HPS5: variants seen among roughly 807,000 people sequenced by gnomAD.
HPS5 encodes BLOC-2 complex member HPS5.
A neutral mutation model predicts 128.0 loss-of-function variants in HPS5; 83 were observed. That is an observed-to-expected ratio of 0.65 (90% CI 0.54 to 0.78). The LOEUF (loss-of-function observed/expected upper bound fraction) is 0.78. Ranked by LOEUF, HPS5 falls within the 30% of genes least tolerant of loss-of-function variation. The pLI, the probability that HPS5 is intolerant of heterozygous loss-of-function variation, is 0.00. For synonymous variants in HPS5, 475 were observed against 470.2 expected (o/e 1.01, Z -0.13); for missense variants, 1,281 against 1,326.2 (o/e 0.97, Z 0.53).
intron 18 of HPS5, 199 bp from the exon 19 acceptor site, chr11:18,286,909 A>AT: frequency 2.8e-5 from 17 of 616,470 alleles, no homozygotes; most frequent in East Asian, 5.8e-5. Flanking sequence ...GGGCCAAAAA[A>AT]GAAAAAAAAA....
rs756628694 is a variant in HPS5, at chr11:18,286,586, T to C, written c.2837+5A>G. ...AAAAACAAAGAAAGAGGACTTCTTC[T>C]GTACCTGGGATAACCTTCATCATCC... On this transcript the variant is annotated splice_donor_5th_base_variant and intron_variant, in intron 19 of 22. Transcript: ENST00000349215. 1 of 1,613,654 alleles carries C rather than the reference T, an allele frequency of 6.2e-7. No homozygotes were observed. Among genetic ancestry groups the C allele is most frequent in the East Asian group, 2.2e-5 (1 of 44,880 alleles).
Position 18,311,975 on chromosome 11 carries a change from C to G in HPS5, c.158G>C (p.Gly53Ala), listed in dbSNP as rs1863075780. ...SRKWLALGSS[G>A]GGLHLIQKEG... ...TTTCTGAATGAGATGGAGTCCTCCT[C>G]CTGAACTGCCCAAAGCCAACCATTT... The change falls in exon 3 of 23, where the codon GGA (glycine) becomes GCA (alanine). Residue 53 changes from glycine (G) to alanine (A), a missense_variant. Physicochemically the swap from Gly to Ala is moderately conservative, Grantham distance 60 (BLOSUM62 0). Transcript: ENST00000349215. The G allele has an allele frequency of 6.2e-7, 1 of 1,614,034 alleles. No individual in the cohort carries two copies. Among genetic ancestry groups the G allele is most frequent in the South Asian group, 1.1e-5 (1 of 91,090 alleles).
chr11:18,290,423 G>T (rs1860254680), intron 16 of HPS5, among the ~76,000 whole-genome samples: 1 of 152,186 alleles, frequency 6.6e-6, no homozygotes, highest in Admixed American at 6.5e-5. Flanking sequence ...AAACATTATT[G>T]TAAGGATGAA....
At position 18,291,649 on chromosome 11, in the gene HPS5, A is replaced by C; in HGVS notation, c.2233T>G (p.Leu745Val). 4 of 1,614,226 alleles carry C rather than the reference A, an allele frequency of 2.5e-6. No homozygotes were observed. The highest frequency in any genetic ancestry group is 3.4e-6 in the Non-Finnish European group (4 of 1,180,030). ...TTAGAATTCAATACATTCAACTCCA[A>C]ACATAATGTTGTCAATTCAGCCAGG... Reference protein sequence around the residue: ...NDLAELTTLCLELNVLNSKIK... With the variant: ...NDLAELTTLCVELNVLNSKIK... Residue 745 changes from leucine to valine, a missense_variant, in exon 16 of 23, where the codon TTG (leucine) becomes GTG (valine). By Grantham distance (32) the Leu-to-Val change is conservative. Coordinates refer to ENST00000349215, the MANE Select transcript of HPS5 (RefSeq NM_181507.2).
rs1409479051 is a variant in HPS5, at chr11:18,282,106, G to A, written c.3173C>T (p.Ser1058Phe). 4 of 1,614,162 alleles carry A rather than the reference G, an allele frequency of 2.5e-6. No homozygotes were observed. Among genetic ancestry groups the A allele is most frequent in the Non-Finnish European group, 2.5e-6 (3 of 1,180,020 alleles). The change falls in exon 22 of 23, where the codon TCC becomes TTC. Residue 1058 changes from serine (S) to phenylalanine (F), a missense_variant. Physicochemically the swap from Ser to Phe is radical, Grantham distance 155. Coordinates refer to ENST00000349215, the MANE Select transcript of HPS5 (RefSeq NM_181507.2). ...SLNGSLSDGP[S>F]PINVENVALL... Reference sequence around the variant, plus strand: ...TGCCACATTCTCCACATTGATGGGGGAAGGCCCATCACTGAGGCTCCCATT... The same window carrying A: ...TGCCACATTCTCCACATTGATGGGGAAAGGCCCATCACTGAGGCTCCCATT...
intron 20 of HPS5, among the ~76,000 whole-genome samples, chr11:18,284,173 A>C (rs943995798): frequency 4.6e-5 from 7 of 152,178 alleles, no homozygotes; most frequent in East Asian, 1.9e-4. Flanking sequence ...TAGGGAAAAA[A>C]AAAAAACAAA....
At chr11:18,292,590 T>G (rs888112067) in intron 15 of HPS5, among the ~76,000 whole-genome samples, 11 of 152,302 alleles carry the variant, frequency 7.2e-5, no homozygotes, top group African/African-American at 2.6e-4. Flanking sequence ...CATTCTGGGC[T>G]TGTGTGAAGG....
At chr11:18,312,440 C>T (rs1022617405) in intron 2 of HPS5, among the ~76,000 whole-genome samples, 4 of 152,204 alleles carry the variant, frequency 2.6e-5, no homozygotes, top group Admixed American at 6.5e-5. Context: ...ACAAACACCA[C>T]AAAACATCCA....
chr11:18,302,468 G>A (rs1861810569), intron 8 of HPS5, among the ~76,000 whole-genome samples: 1 of 151,992 alleles, frequency 6.6e-6, no homozygotes, highest in African/African-American at 2.4e-5. Flanking sequence ...CTGCTCATAT[G>A]GCACTTAATC....
chr11:18,321,798 A>C (rs1384374880), intron 1 of HPS5, 148 bp downstream of exon 1: 1 of 152,170 alleles, frequency 6.6e-6, no homozygotes. Flanking sequence ...GCCTCAGACA[A>C]ATGGCGACTG....
chr11:18,298,623 T>C (rs1265017092), intron 10 of HPS5, among the ~76,000 whole-genome samples, 169 bp downstream of exon 10: 2 of 152,224 alleles, frequency 1.3e-5, no homozygotes, highest in African/African-American at 4.8e-5. Flanking sequence ...TTTCTTACCC[T>C]CTATCCACCC....
intron 9 of HPS5, among the ~76,000 whole-genome samples, chr11:18,299,312 A>G (rs1861439956): frequency 6.6e-6 from 1 of 152,252 alleles, no homozygotes; most frequent in African/African-American, 2.4e-5. Context: ...CCTGGTCCTC[A>G]ATGAATGGAT....
At chr11:18,291,399 T>A (rs1860387448) in intron 16 of HPS5, 43 bp downstream of exon 16, 2 of 1,308,376 alleles carry the variant, frequency 1.5e-6, no homozygotes, top group South Asian at 1.3e-5. Flanking sequence ...CTAATGTTTT[T>A]TAATACGAAT....
At chr11:18,297,769 C>A in intron 10 of HPS5, 52 bp from the exon 11 acceptor site, 1 of 1,542,042 alleles carries the variant, frequency 6.5e-7, no homozygotes. Context: ...AATCTATATT[C>A]AAATGGCCAA....
At chr11:18,282,278 G>A in intron 21 of HPS5, 58 bp from the exon 22 acceptor site, 1 of 1,590,892 alleles carries the variant, frequency 6.3e-7, no homozygotes, top group Non-Finnish European at 8.6e-7. Context: ...ACTGGATACA[G>A]GAGATGGTCA....
chr11:18,317,769 C>T lies in HPS5; in HGVS notation c.90G>A (p.Leu30=). The part of the protein sequence containing the change: ...SLDPLLSALR[L]DSSRLKCTSI... Reference sequence around the variant, plus strand: ...AATTCACCTTTAGACGACTGGAGTCCAGCCGCAGGGCTGAGAGTAATGGAT... The same window carrying T: ...AATTCACCTTTAGACGACTGGAGTCTAGCCGCAGGGCTGAGAGTAATGGAT... The change falls in exon 2 of 23, where the codon CTG becomes CTA. Residue 30 remains leucine, a synonymous_variant. Coordinates refer to ENST00000349215, the MANE Select transcript of HPS5 (RefSeq NM_181507.2). 1 of 1,613,748 alleles carries T rather than the reference C, an allele frequency of 6.2e-7. No individual in the cohort carries two copies. Among genetic ancestry groups the T allele is most frequent in the Non-Finnish European group, 8.5e-7 (1 of 1,179,884 alleles).
chr11:18,306,552 G>C (rs1173944501), intron 6 of HPS5, among the ~76,000 whole-genome samples: 2 of 152,116 alleles, frequency 1.3e-5, no homozygotes, highest in Admixed American at 1.3e-4. Context: ...TCTATGACAG[G>C]AAGCAAATCA....
At chr11:18,298,697 G>A (rs1861365092) in intron 10 of HPS5, 95 bp downstream of exon 10, 1 of 1,200,356 alleles carries the variant, frequency 8.3e-7, no homozygotes, top group Non-Finnish European at 1.2e-6. Context: ...ACACAGACAG[G>A]GTTAATAAAA....
At chr11:18,286,893 G>A in intron 18 of HPS5, 183 bp from the exon 19 acceptor site, 5 of 615,102 alleles carry the variant, frequency 8.1e-6, no homozygotes, top group Admixed American at 3.4e-5. Flanking sequence ...CAAAGAAAAT[G>A]TCAAAGGGCC....
Sources: gnomAD v4.1 joint callset for allele counts (sites outside exome capture counted in the v4.1 genomes callset) on GRCh38, gnomAD v4.1.1 for gene constraint, MANE v1.5 for transcripts, NCBI Gene and HGNC (gene_info 2026-07-23, HGNC 2026-07-21) for gene names.